The following THSD7A variants were observed in gnomAD, a reference collection of about 807,000 sequenced individuals.
THSD7A encodes the protein thrombospondin type-1 domain-containing protein 7A.
Under a neutral mutation model 231.3 loss-of-function variants are expected in THSD7A, and 96 were observed. That is an observed-to-expected ratio of 0.41 (90% CI 0.35 to 0.49). THSD7A has a LOEUF of 0.49. Among genes scored for constraint, THSD7A ranks in the 20% least tolerant of loss-of-function variants. The probability of loss-of-function intolerance (pLI) is 0.05; values close to 1 mark genes in which losing one functional copy is unlikely to be tolerated. For missense variants in THSD7A, 2,290 were observed against 2,070.2 expected, an observed-to-expected ratio of 1.11 and a Z score of -2.06; for synonymous variants, 940 against 743.3, an observed-to-expected ratio of 1.26 and a Z score of -4.30.
chr7:11,596,047 TA>T (rs1378784534), intron 2 of THSD7A, among the ~76,000 whole-genome samples: 1 of 152,218 alleles, frequency 6.6e-6, no homozygotes, highest in Non-Finnish European at 1.5e-5. Context: ...ATTTGAATTA[TA>T]AAAACAGAGA....
At chr7:11,666,914 T>C (rs561175853) in intron 1 of THSD7A, among the ~76,000 whole-genome samples, 1 of 152,158 alleles carries the variant, frequency 6.6e-6, no homozygotes, top group East Asian at 1.9e-4. Flanking sequence ...AATGCAAGCA[T>C]ATTAAAATAA....
At chr7:11,644,827 A>G (rs1782219240) in intron 1 of THSD7A, among the ~76,000 whole-genome samples, 1 of 151,986 alleles carries the variant, frequency 6.6e-6, no homozygotes. Flanking sequence ...TCCTCTCATA[A>G]CACTACCTGA....
chr7:11,422,447 C>T (rs1296149553), intron 16 of THSD7A, among the ~76,000 whole-genome samples: 1 of 152,098 alleles, frequency 6.6e-6, no homozygotes, highest in Non-Finnish European at 1.5e-5. Context: ...CAGTAACAAA[C>T]AGAAACATCA....
chr7:11,416,534 T>G (rs535673727), intron 17 of THSD7A, among the ~76,000 whole-genome samples: 117 of 152,334 alleles, frequency 7.7e-4, no homozygotes, highest in African/African-American at 2.7e-3. Context: ...TCCAATCAAC[T>G]GCCATCTTTG....
chr7:11,548,759 G>A (rs1488403095), intron 4 of THSD7A, among the ~76,000 whole-genome samples: 1 of 151,744 alleles, frequency 6.6e-6, no homozygotes, highest in Non-Finnish European at 1.5e-5. Context: ...AAAATCACAT[G>A]ATTATCTCAA....
chr7:11,389,224 A>C (rs1233265579), intron 23 of THSD7A, among the ~76,000 whole-genome samples: 1 of 151,674 alleles, frequency 6.6e-6, no homozygotes, highest in Non-Finnish European at 1.5e-5. Context: ...ATTGTGTGGG[A>C]GTCTAAGTCT....
chr7:11,712,639 G>A, intron 1 of THSD7A, among the ~76,000 whole-genome samples: 1 of 151,004 alleles, frequency 6.6e-6, no homozygotes, highest in East Asian at 2.0e-4. Flanking sequence ...AAATGAACTT[G>A]ATGTAAGCAG....
intron 1 of THSD7A, among the ~76,000 whole-genome samples, chr7:11,772,803 T>C (rs1783276674): frequency 6.6e-6 from 1 of 152,144 alleles, no homozygotes; most frequent in Non-Finnish European, 1.5e-5. Flanking sequence ...TCTAAACCAA[T>C]TCCGGTGACA....
chr7:11,424,618 G>T (rs967502022), intron 16 of THSD7A, 78 bp downstream of exon 16: 27 of 1,574,562 alleles, frequency 1.7e-5, no homozygotes, highest in South Asian at 3.5e-5. Context: ...GGGGAGGAGT[G>T]AACAGTCATG....
At chr7:11,774,917 TG>T (rs1314589577) in intron 1 of THSD7A, among the ~76,000 whole-genome samples, 1 of 152,032 alleles carries the variant, frequency 6.6e-6, no homozygotes. Context: ...TAGCTGTGCG[TG>T]GTGGCATGTG....
intron 11 of THSD7A, among the ~76,000 whole-genome samples, chr7:11,456,336 A>G (rs1047283529): frequency 1.3e-5 from 2 of 151,962 alleles, no homozygotes; most frequent in Admixed American, 1.3e-4. Context: ...TTTAATTTTT[A>G]CTACTAAAGT....
rs746118673 is a variant in THSD7A at position 11,375,762 on chromosome 7, C to G, written c.*32G>C. On this transcript the variant is annotated 3_prime_UTR_variant, in exon 28 of 28. Coordinates refer to ENST00000423059, the MANE Select transcript of THSD7A (RefSeq NM_015204.3). Reference sequence around the variant, plus strand: ...CTGGACATCTATGAAGTCAGAAAGCCGAAACTGGTTGTTGCCAGGAAAAGT... The same window carrying G: ...CTGGACATCTATGAAGTCAGAAAGCGGAAACTGGTTGTTGCCAGGAAAAGT... The G allele has an allele frequency of 6.3e-7, 1 of 1,596,532 alleles. No individual in the cohort carries two copies. The highest frequency in any genetic ancestry group is 1.1e-5 in the South Asian group (1 of 89,908).
chr7:11,611,162 A>T (rs1303502214), intron 2 of THSD7A, among the ~76,000 whole-genome samples: 2 of 152,148 alleles, frequency 1.3e-5, no homozygotes, highest in Non-Finnish European at 2.9e-5. Flanking sequence ...AAGTTAAAAT[A>T]CAGTTTTCTT....
At position 11,444,935 on chromosome 7, in the gene THSD7A, T is replaced by C. The variant is rs1190903882; in HGVS notation, c.3064+1126A>G. ...TATAATGAAACTATATATGTATATA[T>C]AGAATGAAACTATATATATGTATAT... is the stretch of plus-strand genomic sequence containing the variant. On this transcript the variant is annotated intron_variant, in intron 13 of 27. Coordinates refer to ENST00000423059, the MANE Select transcript of THSD7A (RefSeq NM_015204.3). This position sits in a 1 kb window ranked among gnomAD's most constrained non-coding sequence, Gnocchi z 4.2. Among the ~76,000 whole-genome samples the C allele has an allele frequency of 2.0e-5, 3 of 148,140 alleles. No individual in the cohort carries two copies. Among genetic ancestry groups the C allele is most frequent in the Non-Finnish European group, 4.5e-5 (3 of 67,220 alleles).
Position 11,637,614 on chromosome 7 carries a change from G to C in THSD7A, c.191-653C>G, listed in dbSNP as rs1781919036. On this transcript the variant is annotated intron_variant, in intron 1 of 27. Coordinates refer to ENST00000423059, the MANE Select transcript of THSD7A (RefSeq NM_015204.3). This position sits in a 1 kb window ranked among gnomAD's most constrained non-coding sequence, Gnocchi z 4.2. ...CCCCCCATTTCCCAAGTGAAGTATA[G>C]AGCTGGGTAAGGGAATTTAAATGTA... 6.6e-6 allele frequency among the ~76,000 whole-genome samples: 1 copy of C among 152,128 alleles called. No homozygotes were observed.
Position 11,423,081 on chromosome 7 carries a change from T to G in THSD7A, c.3383+1615A>C, listed in dbSNP as rs532498200. ...GAATCTCTTTTTCTGTGTCCCTATC[T>G]ACTTATTACCTCTCTACCTCTTCCC... On this transcript the variant is annotated intron_variant, in intron 16 of 27. Coordinates refer to ENST00000423059, the MANE Select transcript of THSD7A (RefSeq NM_015204.3). Among the ~76,000 whole-genome samples the G allele has an allele frequency of 2.2e-4, 33 of 152,310 alleles. 1 individual carries two copies. In the South Asian group the frequency reaches 6.8e-3, roughly 32 times the overall value.
At chr7:11,455,081 G>A (rs1227419384) in intron 11 of THSD7A, among the ~76,000 whole-genome samples, 1 of 151,888 alleles carries the variant, frequency 6.6e-6, no homozygotes, top group Non-Finnish European at 1.5e-5. Context: ...AGACCTGAGT[G>A]CACTTTCTCT....
intron 6 of THSD7A, among the ~76,000 whole-genome samples, chr7:11,494,977 C>T (rs1341381991): frequency 6.6e-5 from 10 of 151,974 alleles, no homozygotes; most frequent in Admixed American, 5.3e-4. Context: ...GGAGATGAAA[C>T]TGCAGTATGA....
At chr7:11,398,682 C>G (rs542697600) in intron 23 of THSD7A, among the ~76,000 whole-genome samples, 1 of 152,150 alleles carries the variant, frequency 6.6e-6, no homozygotes, top group Non-Finnish European at 1.5e-5. Context: ...CAGACCCTGA[C>G]CCCAGCGATG....
Sources: allele counts gnomAD v4.1 joint callset (sites outside exome capture counted in the v4.1 genomes callset), GRCh38; gene constraint gnomAD v4.1.1; non-coding constraint Gnocchi (gnomAD v3.1); transcripts MANE v1.5; gene names NCBI Gene and HGNC (gene_info 2026-07-23, HGNC 2026-07-21).